The following FMN1 variants were observed in gnomAD, a reference collection of about 807,000 sequenced individuals.
FMN1 encodes the protein formin-1.
In FMN1, 110 loss-of-function variants were observed where a neutral mutation model predicts 132.4. The observed-to-expected ratio is 0.83, with a 90% CI of 0.71 to 0.97. The LOEUF (loss-of-function observed/expected upper bound fraction) is 0.97. FMN1 is among the 50% of genes least tolerant of loss of function. The probability of loss-of-function intolerance (pLI) is 0.00; values close to 1 mark genes in which losing one functional copy is unlikely to be tolerated. For missense variants in FMN1, 1,792 were observed against 1,705.3 expected (o/e 1.05, Z -0.90); for synonymous variants, 722 against 651.7 (o/e 1.11, Z -1.64).
At chr15:32,858,601 T>C (rs1043780093) in intron 16 of FMN1, among the ~76,000 whole-genome samples, 3 of 152,230 alleles carry the variant, frequency 2.0e-5, no homozygotes, top group African/African-American at 7.2e-5. Context: ...GAATATCTGC[T>C]ATTAGCTATT....
intron 5 of FMN1, chr15:33,068,081 T>TC: frequency 7.3e-7 from 1 of 1,375,048 alleles, no homozygotes; most frequent in African/African-American, 1.5e-5. Flanking sequence ...GATGATGTGT[T>TC]CCAGGGCAAC....
At chr15:33,092,951 C>A (rs1244758677) in intron 4 of FMN1, among the ~76,000 whole-genome samples, 1 of 152,210 alleles carries the variant, frequency 6.6e-6, no homozygotes, top group African/African-American at 2.4e-5. Context: ...GATTCATGCA[C>A]AAACTACATT....
chr15:32,912,031 C>T (rs191712163), intron 10 of FMN1, among the ~76,000 whole-genome samples: 5 of 152,244 alleles, frequency 3.3e-5, no homozygotes, highest in Admixed American at 2.0e-4. Context: ...TATTCTCTCA[C>T]AAAAATCAAC....
intron 6 of FMN1, chr15:33,012,603 C>A: frequency 8.9e-7 from 1 of 1,128,996 alleles, no homozygotes; most frequent in Non-Finnish European, 1.3e-6. Context: ...ATAAGACTGT[C>A]GTTCAGAAAT....
intron 6 of FMN1, among the ~76,000 whole-genome samples, chr15:33,061,455 A>G (rs1197378169): frequency 6.6e-6 from 1 of 152,028 alleles, no homozygotes; most frequent in Non-Finnish European, 1.5e-5. Flanking sequence ...TTATATGTAA[A>G]TAAATACCAT....
chr15:32,824,210 T>C (rs943124465), intron 17 of FMN1, among the ~76,000 whole-genome samples: 1 of 152,196 alleles, frequency 6.6e-6, no homozygotes, highest in African/African-American at 2.4e-5. Context: ...GTGAGTACTA[T>C]TTAAAAAGCA....
At chr15:33,125,039 G>C (rs1376372789) in intron 4 of FMN1, among the ~76,000 whole-genome samples, 1 of 152,022 alleles carries the variant, frequency 6.6e-6, no homozygotes, top group South Asian at 2.1e-4. Flanking sequence ...ACTCTATCAT[G>C]GAATGCTTAA....
intron 2 of FMN1, among the ~76,000 whole-genome samples, chr15:33,183,196 G>C (rs1234507552): frequency 6.6e-6 from 1 of 152,146 alleles, no homozygotes; most frequent in Non-Finnish European, 1.5e-5. Context: ...TATAACTTTA[G>C]GATATTACTT....
chr15:33,140,400 C>T (rs7164676), intron 4 of FMN1, among the ~76,000 whole-genome samples: 66,218 of 151,614 alleles, frequency 0.44, 15,665 homozygotes, highest in South Asian at 0.55. Flanking sequence ...CATTACAGAG[C>T]ATCTGAAGTT....
intron 4 of FMN1, among the ~76,000 whole-genome samples, chr15:33,089,951 C>T (rs1447582954): frequency 6.6e-6 from 1 of 152,156 alleles, no homozygotes; most frequent in Non-Finnish European, 1.5e-5. Flanking sequence ...CCCTTTAGTA[C>T]AGAAAACCTA....
rs2056119507 is a variant in FMN1 at position 32,768,427 on chromosome 15, T to C, written c.*5883A>G. The stretch of plus-strand genomic sequence containing the variant: ...TTGCTAATGTGTGCCTGAAATCTGA[T>C]TTCCTTCTTGATGTATTAAGATAAT... On this transcript the variant is annotated 3_prime_UTR_variant, in exon 21 of 21. Coordinates refer to ENST00000616417, the MANE Select transcript of FMN1 (RefSeq NM_001277313.2). 6.6e-6 allele frequency: 1 copy of C among 152,260 alleles called. No homozygotes were observed. The highest frequency in any genetic ancestry group is 2.4e-5 in the African/African-American group (1 of 41,466). 9.4% of individuals were successfully genotyped at this position (152,260 alleles called of 1,614,324 possible).
intron 9 of FMN1, among the ~76,000 whole-genome samples, chr15:32,943,716 G>A (rs962291833): frequency 1.3e-5 from 2 of 152,126 alleles, no homozygotes; most frequent in African/African-American, 4.8e-5. Flanking sequence ...TTAGTATAGG[G>A]TCTAAACTTT....
At chr15:32,890,434 G>T (rs1459809898) in intron 15 of FMN1, among the ~76,000 whole-genome samples, 1 of 152,112 alleles carries the variant, frequency 6.6e-6, no homozygotes, top group African/African-American at 2.4e-5. Context: ...GCCAACATCT[G>T]TTTTCTGATT....
At chr15:33,167,068 C>G (rs1264138494) in intron 3 of FMN1, among the ~76,000 whole-genome samples, 1 of 152,068 alleles carries the variant, frequency 6.6e-6, no homozygotes, top group Non-Finnish European at 1.5e-5. Flanking sequence ...TAGATTCATA[C>G]TTGGTTAAGA....
intron 18 of FMN1, among the ~76,000 whole-genome samples, chr15:32,802,032 T>C (rs1258805): frequency 0.97 from 147,849 of 152,334 alleles, 71,908 homozygotes; most frequent in Middle Eastern, 1. Context: ...CCAGGAGAAT[T>C]TTCTCTAATA....
At chr15:33,186,852 A>G (rs566417405) in intron 2 of FMN1, among the ~76,000 whole-genome samples, 1 of 152,352 alleles carries the variant, frequency 6.6e-6, no homozygotes, top group South Asian at 2.1e-4. Flanking sequence ...CTCCTGCATC[A>G]GGCTCACAGG....
chr15:32,812,841 T>C (rs1227312553), intron 17 of FMN1, among the ~76,000 whole-genome samples: 1 of 152,220 alleles, frequency 6.6e-6, no homozygotes, highest in Non-Finnish European at 1.5e-5. Context: ...AATAGAAATA[T>C]TTCAGGTGTC....
chr15:32,959,558 G>A (rs1009167860), intron 9 of FMN1, among the ~76,000 whole-genome samples: 4 of 152,170 alleles, frequency 2.6e-5, no homozygotes, highest in Non-Finnish European at 4.4e-5. Flanking sequence ...TCCACTTACA[G>A]AGAAAAGCAA....
At chr15:32,781,157 ATTTTT>A (rs967073178) in intron 19 of FMN1, among the ~76,000 whole-genome samples, 4 of 152,156 alleles carry the variant, frequency 2.6e-5, no homozygotes, top group African/African-American at 9.7e-5. Flanking sequence ...TATCTTTTAT[ATTTTT>A]ATTTTTAAAA....
Sources: allele counts gnomAD v4.1 joint callset (sites outside exome capture counted in the v4.1 genomes callset), GRCh38; gene constraint gnomAD v4.1.1; transcripts MANE v1.5; gene names NCBI Gene and HGNC (gene_info 2026-07-23, HGNC 2026-07-21).